Variants in OSBPL6 observed in about 807,000 individuals in gnomAD.
The protein encoded by OSBPL6 is oxysterol-binding protein-related protein 6.
In OSBPL6, 49 loss-of-function variants were observed where a neutral mutation model predicts 125.8. That is an observed-to-expected ratio of 0.39 (90% CI 0.31 to 0.49). The LOEUF (loss-of-function observed/expected upper bound fraction) is 0.49. Among genes scored for constraint, OSBPL6 ranks in the 20% least tolerant of loss-of-function variants. The pLI is 0.88. For missense variants in OSBPL6, 986 were observed against 1,135.4 expected, an observed-to-expected ratio of 0.87 and a Z score of 1.89; for synonymous variants, 394 against 391.8, an observed-to-expected ratio of 1.01 and a Z score of -0.07.
intron 23 of OSBPL6, 114 bp downstream of exon 23, chr2:178,392,652 T>G: frequency 2.2e-6 from 3 of 1,348,730 alleles, no homozygotes; most frequent in Non-Finnish European, 3.0e-6. Flanking sequence ...GGTCAGGAAT[T>G]CAAGACCAGC....
intron 3 of OSBPL6, among the ~76,000 whole-genome samples, chr2:178,320,868 T>C (rs778861457): frequency 6.6e-6 from 1 of 152,192 alleles, no homozygotes; most frequent in African/African-American, 2.4e-5. Context: ...ATTTTTATAA[T>C]TCCAAGATAG....
intron 11 of OSBPL6, among the ~76,000 whole-genome samples, chr2:178,343,419 T>G (rs1204541538): frequency 6.6e-6 from 1 of 151,912 alleles, no homozygotes; most frequent in Non-Finnish European, 1.5e-5. Context: ...GCTCACAACC[T>G]TGAGGTGTCA....
intron 1 of OSBPL6, among the ~76,000 whole-genome samples, chr2:178,280,144 G>A (rs921251691): frequency 6.6e-6 from 1 of 152,108 alleles, no homozygotes; most frequent in African/African-American, 2.4e-5. Context: ...GTTGCAGTGA[G>A]CTGAGATGGC....
At chr2:178,350,298 G>A (rs1371516202) in intron 12 of OSBPL6, among the ~76,000 whole-genome samples, 1 of 152,178 alleles carries the variant, frequency 6.6e-6, no homozygotes, top group Non-Finnish European at 1.5e-5. Context: ...TACTGCCAGA[G>A]TATTGAACTT....
At chr2:178,236,213 T>C (rs1246207350) in intron 1 of OSBPL6, among the ~76,000 whole-genome samples, 1 of 152,190 alleles carries the variant, frequency 6.6e-6, no homozygotes, top group Admixed American at 6.5e-5. Flanking sequence ...AATACTCTTA[T>C]ATCTTAATCC....
intron 1 of OSBPL6, among the ~76,000 whole-genome samples, chr2:178,230,042 C>T (rs1013225044): frequency 1.3e-5 from 2 of 152,164 alleles, no homozygotes; most frequent in African/African-American, 4.8e-5. Context: ...TTCTCATCTT[C>T]AGGGTAGAAG....
At chr2:178,353,630 C>A (rs1329077073) in intron 12 of OSBPL6, among the ~76,000 whole-genome samples, 1 of 152,114 alleles carries the variant, frequency 6.6e-6, no homozygotes, top group Admixed American at 6.5e-5. Flanking sequence ...ATAGGTTTAC[C>A]TAAAAGTGAT....
At chr2:178,338,245 C>A (rs1289237685) in intron 9 of OSBPL6, among the ~76,000 whole-genome samples, 1 of 151,858 alleles carries the variant, frequency 6.6e-6, no homozygotes, top group Admixed American at 6.6e-5. Context: ...ATATTCTTGA[C>A]CGTGTTTAAT....
chr2:178,218,609 G>A (rs558339519), intron 1 of OSBPL6, among the ~76,000 whole-genome samples: 4 of 146,150 alleles, frequency 2.7e-5, no homozygotes, highest in South Asian at 2.2e-4. Flanking sequence ...TTCTCTCCCC[G>A]TCTTTTATCC....
intron 13 of OSBPL6, 145 bp from the exon 14 acceptor site, chr2:178,371,981 C>T: frequency 2.0e-6 from 1 of 504,356 alleles, no homozygotes. Flanking sequence ...TTACTCCTTG[C>T]TGGTAGGGTC....
chr2:178,223,664 A>G (rs959637122), intron 1 of OSBPL6, among the ~76,000 whole-genome samples: 2 of 152,176 alleles, frequency 1.3e-5, no homozygotes, highest in African/African-American at 4.8e-5. Context: ...TACACTGACT[A>G]AGTGATTGGA....
chr2:178,359,075 C>T (rs1434779902), intron 12 of OSBPL6, among the ~76,000 whole-genome samples: 2 of 152,070 alleles, frequency 1.3e-5, no homozygotes, highest in African/African-American at 4.8e-5. Flanking sequence ...ACTCGAGAGG[C>T]TGATGTGGGA....
intron 2 of OSBPL6, among the ~76,000 whole-genome samples, chr2:178,299,259 C>T (rs1245674103): frequency 6.6e-6 from 1 of 152,116 alleles, no homozygotes; most frequent in Admixed American, 6.6e-5. Context: ...TTTTCATGGC[C>T]TTGATAGCTC....
chr2:178,326,860 T>C (rs79053537), intron 4 of OSBPL6, among the ~76,000 whole-genome samples: 4,799 of 152,296 alleles, frequency 0.032, 238 homozygotes, highest in African/African-American at 0.11. Context: ...CATCTATGTT[T>C]AAGAAATACA....
At chr2:178,275,230 T>C (rs993224463) in intron 1 of OSBPL6, among the ~76,000 whole-genome samples, 4 of 152,032 alleles carry the variant, frequency 2.6e-5, no homozygotes, top group African/African-American at 9.7e-5. Flanking sequence ...AAGATAATGG[T>C]GCTGGGCACA....
At chr2:178,341,311 C>T (rs1298074660) in intron 11 of OSBPL6, among the ~76,000 whole-genome samples, 1 of 150,688 alleles carries the variant, frequency 6.6e-6, no homozygotes, top group Non-Finnish European at 1.5e-5. Flanking sequence ...CTAGGAGCTC[C>T]ACTAGAGACC....
intron 20 of OSBPL6, among the ~76,000 whole-genome samples, chr2:178,387,935 C>T (rs796507757): frequency 4.7e-4 from 72 of 151,624 alleles, no homozygotes; most frequent in African/African-American, 1.6e-3. Flanking sequence ...ACCTGGGAGG[C>T]GGAGATTGCA....
intron 1 of OSBPL6, among the ~76,000 whole-genome samples, chr2:178,229,399 G>T (rs753779522): frequency 2.6e-5 from 4 of 152,172 alleles, no homozygotes; most frequent in Non-Finnish European, 5.9e-5. Flanking sequence ...CCTTTGAAGT[G>T]ATTAGTAACC....
intron 1 of OSBPL6, among the ~76,000 whole-genome samples, chr2:178,283,669 T>G (rs1684431788): frequency 6.6e-6 from 1 of 152,222 alleles, no homozygotes; most frequent in African/African-American, 2.4e-5. Context: ...GGGTAATTTG[T>G]AAAGAAAAGA....
Sources: gnomAD v4.1 joint callset for allele counts (sites outside exome capture counted in the v4.1 genomes callset) on GRCh38, gnomAD v4.1.1 for gene constraint, MANE v1.5 for transcripts, NCBI Gene and HGNC (gene_info 2026-07-23, HGNC 2026-07-21) for gene names.